The following SLC16A11 variants were observed in gnomAD, a reference collection of about 807,000 sequenced individuals.
SLC16A11 encodes the protein solute carrier family 16 member 11, also known as monocarboxylate transporter 11.
SLC16A11 carries 24 observed loss-of-function variants against 26.0 expected under a neutral mutation model. That is an observed-to-expected ratio of 0.92 (90% CI 0.67 to 1.30). The LOEUF (loss-of-function observed/expected upper bound fraction) is 1.30, where lower values mean the gene tolerates loss of function less well. Ranked by LOEUF, SLC16A11 falls within the 50% of genes most tolerant of loss-of-function variation. SLC16A11 has a pLI of 0.00. For synonymous variants in SLC16A11, 332 were observed against 296.0 expected, an observed-to-expected ratio of 1.12 and a Z score of -1.25; for missense variants, 638 against 597.7, an observed-to-expected ratio of 1.07 and a Z score of -0.70.
At position 7,043,901 on chromosome 17, in the gene SLC16A11, G is replaced by A. The variant is rs1018666039; in HGVS notation, c.-133C>T. On this transcript the variant is annotated 5_prime_UTR_variant, in exon 1 of 5. Coordinates refer to ENST00000574600, the MANE Select transcript of SLC16A11 (RefSeq NM_001370549.1). ...GGCAGCGATGGAGCCCAACTTGGAC[G>A]GGCTCTCTCGGTAAACAGAGATCAC... is the stretch of plus-strand genomic sequence containing the variant. The A allele has an allele frequency of 1.2e-4, 39 of 333,952 alleles. No homozygotes were observed. The highest frequency in any genetic ancestry group is 4.7e-5 in the Admixed American group (1 of 21,430). The allele number at this position is 333,952 out of a possible 1,614,324, so 20.7% of individuals were successfully genotyped here. A position where few individuals can be genotyped will look rare whatever the true frequency, so the allele number is the denominator to read the frequency against.
chr17:7,043,412 C>T lies in SLC16A11; in HGVS notation c.102G>A (p.Ser34=). The part of the protein sequence containing the change: ...INGLSYGLLR[S]LGLAFPDLAE... ...CAAGGTCAGGGAAGGCAAGGCCCAGCGAGCGCAGCAGCCCGTAGGACAGCC... is the reference window on the plus strand; with the variant it reads ...CAAGGTCAGGGAAGGCAAGGCCCAGTGAGCGCAGCAGCCCGTAGGACAGCC... Residue 34 remains serine, a synonymous_variant, in exon 2 of 5, where the codon TCG becomes TCA. Transcript: ENST00000574600. The T allele has an allele frequency of 1.2e-6, 2 of 1,605,850 alleles. No individual in the cohort carries two copies. The highest frequency in any genetic ancestry group is 1.7e-6 in the Non-Finnish European group (2 of 1,178,682).
Position 7,043,076 on chromosome 17 carries a change from G to C in SLC16A11, c.203-3C>G. ...GCTCAGGGCGCTGCCCACGGGGCCT[G>C]AAAGGGGGCGGAGTCAACGGAAGAC... On this transcript the variant is annotated splice_region_variant and splice_polypyrimidine_tract_variant and intron_variant, in intron 2 of 4. Coordinates refer to ENST00000574600, the MANE Select transcript of SLC16A11 (RefSeq NM_001370549.1). 1 of 1,536,366 alleles carries C rather than the reference G, an allele frequency of 6.5e-7. No individual in the cohort carries two copies. The highest frequency in any genetic ancestry group is 8.8e-7 in the Non-Finnish European group (1 of 1,141,428).
chr17:7,041,910 TGAG>T lies in SLC16A11; in HGVS notation c.1115-5_1115-3del, dbSNP rs1362098486. The T allele has an allele frequency of 6.2e-7, 1 of 1,613,496 alleles. No individual in the cohort carries two copies. Among genetic ancestry groups the T allele is most frequent in the Non-Finnish European group, 8.5e-7 (1 of 1,179,728 alleles). On this transcript the variant is annotated splice_region_variant and splice_polypyrimidine_tract_variant and intron_variant, in intron 4 of 4. Transcript: ENST00000574600. Reference sequence around the variant, plus strand: ...CTCCTGTCTCATCCCTTAGGAAGCCTGAGGAGATGGGTAAGGGCATTTAGAAGC... The same window carrying T: ...CTCCTGTCTCATCCCTTAGGAAGCCTGAGATGGGTAAGGGCATTTAGAAGC...
chr17:7,041,789 C>T lies in SLC16A11; in HGVS notation c.1234G>A (p.Ala412Thr), dbSNP rs746882183. The T allele has an allele frequency of 5.0e-6, 8 of 1,613,528 alleles. No individual in the cohort carries two copies. Among genetic ancestry groups the T allele is most frequent in the Non-Finnish European group, 5.9e-6 (7 of 1,179,960 alleles). Residue 412 changes from alanine to threonine, a missense_variant, in exon 5 of 5, where the codon GCC becomes ACC. Physicochemically the swap from Ala to Thr is moderately conservative, Grantham distance 58 (BLOSUM62 0). Transcript: ENST00000574600. Reference protein sequence around the residue: ...LPRALPSCGPASPPATPPPET... With the variant: ...LPRALPSCGPTSPPATPPPET... ...GGGGGAGGCGTGGCTGGAGGGGAGG[C>T]TGGACCACAGGAGGGCAGCGCCCTG... is the stretch of plus-strand genomic sequence containing the variant.
Position 7,044,075 on chromosome 17 carries a change from G to A in SLC16A11, c.-307C>T, listed in dbSNP as rs1597348468. The stretch of plus-strand genomic sequence containing the variant: ...ACACAACCCCCAGGCCCGGGGGAGG[G>A]GGGAGCGGCGAGAAATGAATGCAGA... On this transcript the variant is annotated 5_prime_UTR_variant, in exon 1 of 5. Coordinates refer to ENST00000574600, the MANE Select transcript of SLC16A11 (RefSeq NM_001370549.1). Among the ~76,000 whole-genome samples, 1 of 152,222 alleles carries A rather than the reference G, an allele frequency of 6.6e-6. No individual in the cohort carries two copies. The highest frequency in any genetic ancestry group is 2.1e-4 in the South Asian group (1 of 4,830).
chr17:7,043,254 C>A, intron 2 of SLC16A11, 58 bp downstream of exon 2: 1 of 1,554,868 alleles, frequency 6.4e-7, no homozygotes, highest in Admixed American at 1.9e-5. Flanking sequence ...GGTCTCCCAT[C>A]CCTCCACTCA....
chr17:7,041,744 G>A lies in SLC16A11; in HGVS notation c.1279C>T (p.Pro427Ser). The change falls in exon 5 of 5, where the codon CCC becomes TCC. Residue 427 changes from proline (P) to serine (S), a missense_variant. Physicochemically the swap from Pro to Ser is moderately conservative, Grantham distance 74. Coordinates refer to ENST00000574600, the MANE Select transcript of SLC16A11 (RefSeq NM_001370549.1). ...GACAGCAAGACTGCCTGGGGAGCGG[G>A]AAGCAGCTCCCCCGTCTCTGGGGGA... ...TPPPETGELL[P>S]APQAVLLSPG... 7 of 1,613,342 alleles carry A rather than the reference G, an allele frequency of 4.3e-6. No individual in the cohort carries two copies. Among genetic ancestry groups the A allele is most frequent in the Non-Finnish European group, 5.9e-6 (7 of 1,179,904 alleles).
chr17:7,042,784 A>C lies in SLC16A11; in HGVS notation c.347-21T>G. 8 of 1,541,390 alleles carry C rather than the reference A, an allele frequency of 5.2e-6. No individual in the cohort carries two copies. The highest frequency in any genetic ancestry group is 7.0e-6 in the Non-Finnish European group (8 of 1,145,696). ...AAAGCCTGCGAATGAATAGGAGGGGATGGGGGCCGGCACTGGGGACGCCCG... is the reference window on the plus strand; with the variant it reads ...AAAGCCTGCGAATGAATAGGAGGGGCTGGGGGCCGGCACTGGGGACGCCCG... On this transcript the variant is annotated intron_variant, in intron 3 of 4. Transcript: ENST00000574600. The surrounding 1 kb of genome is among the most constrained non-coding windows in gnomAD (Gnocchi z 5.9).
Position 7,042,640 on chromosome 17 carries a change from G to C in SLC16A11, c.470C>G (p.Ala157Gly), listed in dbSNP as rs1479127051. The C allele has an allele frequency of 1.3e-6, 2 of 1,570,076 alleles. No individual in the cohort carries two copies. Among genetic ancestry groups the C allele is most frequent in the Non-Finnish European group, 1.7e-6 (2 of 1,161,798 alleles). ...ATCGAGAAGAAGCTGCAAGGCGGGCGCCAGGAGCAGCGAGGAGGCCCCGTT... is the reference window on the plus strand; with the variant it reads ...ATCGAGAAGAAGCTGCAAGGCGGGCCCCAGGAGCAGCGAGGAGGCCCCGTT... Reference protein sequence around the residue: ...TGNGASSLLLAPALQLLLDTF... With the variant: ...TGNGASSLLLGPALQLLLDTF... Residue 157 changes from alanine to glycine, a missense_variant, in exon 4 of 5, where the codon GCG (alanine) becomes GGG (glycine). By Grantham distance (60) the Ala-to-Gly change is moderately conservative. Transcript: ENST00000574600. This position sits in a 1 kb window ranked among gnomAD's most constrained non-coding sequence, Gnocchi z 5.9.
In SLC16A11 at chr17:7,043,039, C is replaced by CT. The variant is rs1910836752; in HGVS notation, c.236_237insA (p.Ala80GlyfsTer126). 4 of 1,572,418 alleles carry CT rather than the reference C, an allele frequency of 2.5e-6. No homozygotes were observed. The highest frequency in any genetic ancestry group is 3.5e-6 in the Non-Finnish European group (4 of 1,158,650). On this transcript the variant is annotated frameshift_variant, in exon 3 of 5. Coordinates refer to ENST00000574600, the MANE Select transcript of SLC16A11 (RefSeq NM_001370549.1). LOFTEE classifies it high-confidence loss of function. ...CCCCAACCATCACCACGGGGCGGGCCCCCCAGCGCGTGCTCAGGGCGCTGC... is the reference window on the plus strand; with the variant it reads ...CCCCAACCATCACCACGGGGCGGGCCTCCCCAGCGCGTGCTCAGGGCGCTGC...
In SLC16A11 at chr17:7,042,768, G is replaced by A; in HGVS notation, c.347-5C>T. ...ACACCAGGGCCCAACCAAAGCCTGC[G>A]AATGAATAGGAGGGGATGGGGGCCG... On this transcript the variant is annotated splice_region_variant and splice_polypyrimidine_tract_variant and intron_variant, in intron 3 of 4. Transcript: ENST00000574600. This position sits in a 1 kb window ranked among gnomAD's most constrained non-coding sequence, Gnocchi z 5.9. The A allele has an allele frequency of 6.5e-7, 1 of 1,537,516 alleles. No homozygotes were observed. The highest frequency in any genetic ancestry group is 2.4e-5 in the East Asian group (1 of 41,612).
chr17:7,042,494 G>A lies in SLC16A11; in HGVS notation c.616C>T (p.Pro206Ser). The A allele has an allele frequency of 6.4e-7, 1 of 1,560,750 alleles. No homozygotes were observed. Among genetic ancestry groups the A allele is most frequent in the Non-Finnish European group, 8.7e-7 (1 of 1,152,234 alleles). Residue 206 changes from proline (P) to serine (S), a missense_variant, in exon 4 of 5, where the codon CCC becomes TCC. Pro to Ser is a moderately conservative substitution (Grantham distance 74). Transcript: ENST00000574600. This position sits in a 1 kb window ranked among gnomAD's most constrained non-coding sequence, Gnocchi z 5.9. ...PGDPPAPPRS[P>S]LAALGLSLFT... is the part of the protein sequence containing the mutation. ...AGACTCAGGCCGAGGGCAGCTAGGG[G>A]ACTACGCGGTGGGGCTGGGGGGTCT...
Position 7,042,362 on chromosome 17 carries a change from G to C in SLC16A11, c.748C>G (p.Leu250Val). 1 of 1,564,604 alleles carries C rather than the reference G, an allele frequency of 6.4e-7. No individual in the cohort carries two copies. Among genetic ancestry groups the C allele is most frequent in the Non-Finnish European group, 8.7e-7 (1 of 1,153,724 alleles). ...HLAPHALDRG[L>V]GGYGAALVVA... ...ACCAGCGCTGCTCCGTATCCCCCCAGGCCCCGGTCTAAAGCGTGGGGAGCC... is the reference window on the plus strand; with the variant it reads ...ACCAGCGCTGCTCCGTATCCCCCCACGCCCCGGTCTAAAGCGTGGGGAGCC... Residue 250 changes from leucine (L) to valine (V), a missense_variant, in exon 4 of 5, where the codon CTG becomes GTG. By Grantham distance (32) the Leu-to-Val change is conservative. Coordinates refer to ENST00000574600, the MANE Select transcript of SLC16A11 (RefSeq NM_001370549.1). The surrounding 1 kb of genome is among the most constrained non-coding windows in gnomAD (Gnocchi z 5.9).
intron 1 of SLC16A11, 76 bp from the exon 2 acceptor site, chr17:7,043,595 C>A (rs1288172874): frequency 6.5e-7 from 1 of 1,529,662 alleles, no homozygotes; most frequent in Admixed American, 2.0e-5. Flanking sequence ...TCCCTGAGAT[C>A]CAGCCTCTGG....
At position 7,043,352 on chromosome 17, in the gene SLC16A11, C is replaced by G; in HGVS notation, c.162G>C (p.Ala54=). 1 of 1,610,440 alleles carries G rather than the reference C, an allele frequency of 6.2e-7. No individual in the cohort carries two copies. Among genetic ancestry groups the G allele is most frequent in the Non-Finnish European group, 8.5e-7 (1 of 1,179,866 alleles). ...CGGCCAGGGCCAGGGCGCTGATCCA[C>G]GCAGTGTCCTGGGCGCTTCGGTCAA... The part of the protein sequence containing the change: ...EHFDRSAQDT[A]WISALALAVQ... The change falls in exon 2 of 5, where the codon GCG becomes GCC. Residue 54 remains alanine (A), a synonymous_variant. Coordinates refer to ENST00000574600, the MANE Select transcript of SLC16A11 (RefSeq NM_001370549.1).
At position 7,043,475 on chromosome 17, in the gene SLC16A11, C is replaced by T. The variant is rs1426740189; in HGVS notation, c.39G>A (p.Trp13Ter). Residue 13 changes from tryptophan (W) to a stop codon, truncating the protein, a stop_gained, in exon 2 of 5, where the codon TGG becomes TGA. Transcript: ENST00000574600. LOFTEE classifies it high-confidence loss of function. ...PQPAGPPDGGWGWVVAAAAFA... is the reference protein window; with the variant it reads ...PQPAGPPDGG ...AGGCTGCGGCCGCCACCACCCAGCCCCAGCCCCCATCCGGGGGTCCGGCGG... is the reference window on the plus strand; with the variant it reads ...AGGCTGCGGCCGCCACCACCCAGCCTCAGCCCCCATCCGGGGGTCCGGCGG... The T allele has an allele frequency of 1.5e-5, 24 of 1,598,514 alleles. No individual in the cohort carries two copies. The highest frequency in any genetic ancestry group is 2.0e-5 in the Non-Finnish European group (24 of 1,177,652).
Position 7,043,608 on chromosome 17 carries a change from G to C in SLC16A11, c.-6-89C>G, listed in dbSNP as rs375716125. On this transcript the variant is annotated intron_variant, in intron 1 of 4. Coordinates refer to ENST00000574600, the MANE Select transcript of SLC16A11 (RefSeq NM_001370549.1). ...CATCCCTGAGATCCAGCCTCTGGCT[G>C]CTCGCCCGGGGTGGGCCCGTCACTC... 132 of 1,510,712 alleles carry C rather than the reference G, an allele frequency of 8.7e-5. No individual in the cohort carries two copies. In the African/African-American group the frequency reaches 1.5e-3, roughly 17 times the overall value. The allele number at this position is 1,510,712 out of a possible 1,614,324, so 93.6% of individuals were successfully genotyped here. A position where few individuals can be genotyped will look rare whatever the true frequency, so the allele number is the denominator to read the frequency against.
Position 7,042,590 on chromosome 17 carries a change from G to A in SLC16A11, c.520C>T (p.Leu174Phe), listed in dbSNP as rs747148143. 10 of 1,584,228 alleles carry A rather than the reference G, an allele frequency of 6.3e-6. No individual in the cohort carries two copies. The highest frequency in any genetic ancestry group is 8.6e-6 in the Non-Finnish European group (10 of 1,168,322). ...LDTFGWRGALLLLGAITLHLT... is the reference protein window; with the variant it reads ...LDTFGWRGALFLLGAITLHLT... ...TGGAGGGTGATCGCGCCGAGGAGGA[G>A]CAGAGCGCCCCGCCAGCCGAAAGTA... is the stretch of plus-strand genomic sequence containing the variant. The change falls in exon 4 of 5, where the codon CTC (leucine) becomes TTC (phenylalanine). Residue 174 changes from leucine (L) to phenylalanine (F), a missense_variant. Leu to Phe is a conservative substitution (Grantham distance 22). Coordinates refer to ENST00000574600, the MANE Select transcript of SLC16A11 (RefSeq NM_001370549.1). The surrounding 1 kb of genome is among the most constrained non-coding windows in gnomAD (Gnocchi z 5.9).
Position 7,042,559 on chromosome 17 carries a change from G to T in SLC16A11, c.551C>A (p.Thr184Asn). 8.2e-6 allele frequency: 13 copies of T among 1,581,406 alleles called. No individual in the cohort carries two copies. Among genetic ancestry groups the T allele is most frequent in the Non-Finnish European group, 1.1e-5 (13 of 1,165,886 alleles). The stretch of plus-strand genomic sequence containing the variant: ...GGGTAGCAGCAGGGCGCCACAGGGG[G>T]TGAGGTGGAGGGTGATCGCGCCGAG... The part of the protein sequence containing the change: ...LLLGAITLHL[T>N]PCGALLLPLV... The change falls in exon 4 of 5, where the codon ACC becomes AAC. Residue 184 changes from threonine to asparagine, a missense_variant. Thr to Asn is a moderately conservative substitution (Grantham distance 65, BLOSUM62 0). Coordinates refer to ENST00000574600, the MANE Select transcript of SLC16A11 (RefSeq NM_001370549.1). This position sits in a 1 kb window ranked among gnomAD's most constrained non-coding sequence, Gnocchi z 5.9.
Sources: allele counts gnomAD v4.1 joint callset (sites outside exome capture counted in the v4.1 genomes callset), GRCh38; gene constraint gnomAD v4.1.1; non-coding constraint Gnocchi (gnomAD v3.1); transcripts MANE v1.5; gene names NCBI Gene and HGNC (gene_info 2026-07-23, HGNC 2026-07-21).